ASCL5: variants seen among roughly 807,000 people sequenced by gnomAD.
ASCL5 encodes the protein achaete-scute family bHLH transcription factor 5.
For missense variants in ASCL5, 262 were observed against 268.9 expected (o/e 0.97, Z 0.18); for synonymous variants, 124 against 131.5 (o/e 0.94, Z 0.39).
At position 201,115,196 on chromosome 1, in the gene ASCL5, G is replaced by C. The variant is rs1272905162; in HGVS notation, c.177C>G (p.Ala59=). The change falls in exon 2 of 2, where the codon GCC becomes GCG. Residue 59 remains alanine (A), a synonymous_variant. Coordinates refer to ENST00000449188, the MANE Select transcript of ASCL5 (RefSeq NM_001270601.2). ...GCACGTAGGGGAACACCCCCGCATA[G>C]GCGTCGTAGTAGGGCGGCTCTGCTG... is the stretch of plus-strand genomic sequence containing the variant. ...PGPAEPPYYD[A]YAGVFPYVPF... 8.1e-7 allele frequency: 1 copy of C among 1,231,518 alleles called. No individual in the cohort carries two copies. Among genetic ancestry groups the C allele is most frequent in the Non-Finnish European group, 1.0e-6 (1 of 987,950 alleles). 76.3% of individuals were successfully genotyped at this position (1,231,518 alleles called of 1,614,324 possible).
rs111326937 is a variant in ASCL5 at position 201,115,297 on chromosome 1, T to C, written c.76A>G (p.Met26Val). 8,604 of 1,230,598 alleles carry C rather than the reference T, an allele frequency of 7.0e-3. 509 individuals carry two copies. In the African/African-American group the frequency reaches 0.12, roughly 17 times the overall value. The allele number at this position is 1,230,598 out of a possible 1,614,324, so 76.2% of individuals were successfully genotyped here. ...AGGGGCGCCTGCCGGGGAGGGGGCA[T>C]GACGCCCAGCTGCATGCAGCTGGGG... is the stretch of plus-strand genomic sequence containing the variant. ...GPPSCMQLGV[M>V]PPPRQAPLPP... Residue 26 changes from methionine to valine, a missense_variant, in exon 2 of 2, where the codon ATG (methionine) becomes GTG (valine). Physicochemically the swap from Met to Val is conservative, Grantham distance 21. Transcript: ENST00000449188.
intron 1 of ASCL5, among the ~76,000 whole-genome samples, chr1:201,121,010 C>T (rs1237188803): frequency 6.6e-6 from 1 of 152,220 alleles, no homozygotes; most frequent in Non-Finnish European, 1.5e-5. Context: ...AATCCTCACT[C>T]ATTCCCCTGC....
intron 1 of ASCL5, among the ~76,000 whole-genome samples, chr1:201,121,378 G>T (rs1383899316): frequency 2.6e-5 from 4 of 152,144 alleles, no homozygotes; most frequent in East Asian, 1.9e-4. Flanking sequence ...AGGCCGAGGT[G>T]GGGGGATCGC....
rs1194902086 is a variant in ASCL5, at chr1:201,115,027, C to T, written c.346G>A (p.Glu116Lys). 24 of 1,232,010 alleles carry T rather than the reference C, an allele frequency of 1.9e-5. No homozygotes were observed. In the South Asian group the frequency reaches 8.2e-4, roughly 42 times the overall value. 76.3% of individuals were successfully genotyped at this position (1,232,010 alleles called of 1,614,324 possible). The change falls in exon 2 of 2, where the codon GAG becomes AAG. Residue 116 changes from glutamate to lysine, a missense_variant. Physicochemically the swap from Glu to Lys is moderately conservative, Grantham distance 56 (BLOSUM62 1). Coordinates refer to ENST00000449188, the MANE Select transcript of ASCL5 (RefSeq NM_001270601.2). ...LRGHLPGALA[E>K]KRLSKVETLR... is the part of the protein sequence containing the mutation. ...GTCTCCACCTTGCTGAGTCGCTTCT[C>T]AGCCAGGGCGCCGGGGAGGTGGCCG...
intron 1 of ASCL5, among the ~76,000 whole-genome samples, chr1:201,120,238 G>A (rs1212663251): frequency 2.0e-5 from 3 of 152,148 alleles, no homozygotes; most frequent in Non-Finnish European, 4.4e-5. Context: ...GCAATACCTT[G>A]CCAATTCTAA....
In ASCL5 at chr1:201,115,872, A is replaced by G. The variant is rs1439660997; in HGVS notation, c.-500T>C. 2 of 152,550 alleles carry G rather than the reference A, an allele frequency of 1.3e-5. No individual in the cohort carries two copies. The highest frequency in any genetic ancestry group is 4.8e-5 in the African/African-American group (2 of 41,602). The allele number at this position is 152,550 out of a possible 1,614,324, so 9.4% of individuals were successfully genotyped here. A position where few individuals can be genotyped will look rare whatever the true frequency, so the allele number is the denominator to read the frequency against. Reference sequence around the variant, plus strand: ...AGCTCAGTGGAGGGAGTCCCCGGGAACATTTCTAAAGAAGAGGAGAGGAGA... The same window carrying G: ...AGCTCAGTGGAGGGAGTCCCCGGGAGCATTTCTAAAGAAGAGGAGAGGAGA... On this transcript the variant is annotated 5_prime_UTR_variant, in exon 2 of 2. Transcript: ENST00000449188.
Position 201,121,221 on chromosome 1 carries a change from C to T in ASCL5, c.-505-5344G>A, listed in dbSNP as rs1663449744. Among the ~76,000 whole-genome samples the T allele has an allele frequency of 2.6e-5, 4 of 152,210 alleles. No homozygotes were observed. In the South Asian group the frequency reaches 8.3e-4, roughly 32 times the overall value. ...CCAAATTCCCAATGGAACCACAGAACACTTAAAAAATGGTCTTAAGCCCAC... is the reference window on the plus strand; with the variant it reads ...CCAAATTCCCAATGGAACCACAGAATACTTAAAAAATGGTCTTAAGCCCAC... On this transcript the variant is annotated intron_variant, in intron 1 of 1. Transcript: ENST00000449188.
rs532262531 is a variant in ASCL5 at position 201,122,735 on chromosome 1, G to A, written c.-506+4349C>T. Among the ~76,000 whole-genome samples, 12 of 152,254 alleles carry A rather than the reference G, an allele frequency of 7.9e-5. No individual in the cohort carries two copies. The South Asian group carries it at 1.2e-3, about 16-fold the overall frequency. ...CTGAATATAACCAGGCATTTGCAAT[G>A]CTGTGGAGTTATGGGAAGATGTTCC... On this transcript the variant is annotated intron_variant, in intron 1 of 1. Transcript: ENST00000449188.
At chr1:201,127,031 A>G (rs1459837870) in intron 1 of ASCL5, 53 bp downstream of exon 1, 1 of 152,202 alleles carries the variant, frequency 6.6e-6, no homozygotes, top group African/African-American at 2.4e-5. Flanking sequence ...GGCTATCACT[A>G]TTTCAGGATC....
At chr1:201,121,751 A>G (rs1341961663) in intron 1 of ASCL5, among the ~76,000 whole-genome samples, 1 of 151,938 alleles carries the variant, frequency 6.6e-6, no homozygotes, top group East Asian at 1.9e-4. Context: ...GGATCAGTTG[A>G]GCTCAGGAGG....
chr1:201,121,760 G>T (rs1340056863), intron 1 of ASCL5, among the ~76,000 whole-genome samples: 3 of 152,004 alleles, frequency 2.0e-5, no homozygotes, highest in African/African-American at 7.2e-5. Context: ...GAGCTCAGGA[G>T]GTGGAGGCTG....
chr1:201,115,732 A>C lies in ASCL5; in HGVS notation c.-360T>G. On this transcript the variant is annotated 5_prime_UTR_variant, in exon 2 of 2. Coordinates refer to ENST00000449188, the MANE Select transcript of ASCL5 (RefSeq NM_001270601.2). ...AACATGGGCACCTCAGGCCTAAACC[A>C]CGGGCTCCATGTCCTCCACACCCAC... is the stretch of plus-strand genomic sequence containing the variant. 1.2e-5 allele frequency: 2 copies of C among 164,496 alleles called. No homozygotes were observed. The highest frequency in any genetic ancestry group is 2.6e-5 in the Non-Finnish European group (2 of 76,670). 10.2% of individuals were successfully genotyped at this position (164,496 alleles called of 1,614,324 possible). A position where few individuals can be genotyped will look rare whatever the true frequency, so the allele number is the denominator to read the frequency against.
chr1:201,124,011 C>T (rs534535207), intron 1 of ASCL5, among the ~76,000 whole-genome samples: 41 of 152,352 alleles, frequency 2.7e-4, no homozygotes, highest in African/African-American at 9.9e-4. Context: ...GTGACTCACA[C>T]TGCTGTGCAA....
Position 201,114,880 on chromosome 1 carries a change from C to CGGGGGGGGGGG in ASCL5, c.492_493insCCCCCCCCCCC (p.Ala165ProfsTer58). On this transcript the variant is annotated frameshift_variant, in exon 2 of 2. Coordinates refer to ENST00000449188, the MANE Select transcript of ASCL5 (RefSeq NM_001270601.2). LOFTEE classifies it low-confidence loss of function (END_TRUNC). ...CCAGGGCGGTCGGGACGGGGGGTGG[C>CGGGGGGGGGGG]GGGCGGCGCGGGGCAGGGCCCGGTG... 1 of 847,806 alleles carries CGGGGGGGGGGG rather than the reference C, an allele frequency of 1.2e-6. No individual in the cohort carries two copies. Among genetic ancestry groups the CGGGGGGGGGGG allele is most frequent in the East Asian group, 5.6e-5 (1 of 17,988 alleles). The allele number at this position is 847,806 out of a possible 1,614,324, so 52.5% of individuals were successfully genotyped here. A position where few individuals can be genotyped will look rare whatever the true frequency, so the allele number is the denominator to read the frequency against.
At chr1:201,124,294 G>A (rs1663536063) in intron 1 of ASCL5, among the ~76,000 whole-genome samples, 1 of 152,152 alleles carries the variant, frequency 6.6e-6, no homozygotes, top group African/African-American at 2.4e-5. Flanking sequence ...AGGAAGCTAG[G>A]GAGGCTGGGG....
At chr1:201,122,160 G>A (rs966689577) in intron 1 of ASCL5, among the ~76,000 whole-genome samples, 1 of 152,186 alleles carries the variant, frequency 6.6e-6, no homozygotes, top group Non-Finnish European at 1.5e-5. Context: ...CCCTTAGCCT[G>A]CACTGAATGA....
Position 201,123,230 on chromosome 1 carries a change from A to C in ASCL5, c.-506+3854T>G, listed in dbSNP as rs140195547. Reference sequence around the variant, plus strand: ...ATCTTTGAATGAAAAGGGTAACTGAATTCAAATAATTCTAATAAATTGAAT... The same window carrying C: ...ATCTTTGAATGAAAAGGGTAACTGACTTCAAATAATTCTAATAAATTGAAT... On this transcript the variant is annotated intron_variant, in intron 1 of 1. Transcript: ENST00000449188. Among the ~76,000 whole-genome samples the C allele has an allele frequency of 4.5e-3, 686 of 152,336 alleles. 5 individuals are homozygous for C. The highest frequency in any genetic ancestry group is 0.017 in the Middle Eastern group (5 of 294).
At chr1:201,117,648 G>T (rs995090838) in intron 1 of ASCL5, among the ~76,000 whole-genome samples, 1 of 152,076 alleles carries the variant, frequency 6.6e-6, no homozygotes, top group Non-Finnish European at 1.5e-5. Context: ...CGGTCCTGGG[G>T]GCCCTCTCTA....
intron 1 of ASCL5, among the ~76,000 whole-genome samples, chr1:201,124,540 C>G (rs1049949440): frequency 6.8e-6 from 1 of 147,770 alleles, no homozygotes; most frequent in Non-Finnish European, 1.5e-5. Flanking sequence ...TTGTAGGTGA[C>G]GGCTATTTCA....
Sources: allele counts gnomAD v4.1 joint callset (sites outside exome capture counted in the v4.1 genomes callset), GRCh38; gene constraint gnomAD v4.1.1; transcripts MANE v1.5; gene names NCBI Gene and HGNC (gene_info 2026-07-23, HGNC 2026-07-21).